DPH3: variants seen among roughly 807,000 people sequenced by gnomAD.
DPH3 encodes diphthamide biosynthesis protein 3.
Under a neutral mutation model 10.2 loss-of-function variants are expected in DPH3, and 8 were observed. The ratio of observed to expected loss-of-function variants is 0.79; its 90% CI spans 0.46 to 1.42. The LOEUF (loss-of-function observed/expected upper bound fraction) is 1.42. Among genes scored for constraint, DPH3 ranks in the 40% most tolerant of loss-of-function variants. DPH3 has a pLI of 0.00. For missense variants in DPH3, 96 were observed against 98.9 expected (o/e 0.97, Z 0.12); for synonymous variants, 35 against 35.6 (o/e 0.98, Z 0.06).
chr3:16,263,537 C>T lies in DPH3; in HGVS notation c.183+618G>A, dbSNP rs376777486. ...TCTCATGAGGCTCTGTGCCTCATCC[C>T]CACTTTCCCTATATTCATTTTGGAC... On this transcript the variant is annotated intron_variant, in intron 2 of 2. Transcript: ENST00000488423. This position sits in a 1 kb window ranked among gnomAD's most constrained non-coding sequence, Gnocchi z 4.0. 7.9e-5 allele frequency among the ~76,000 whole-genome samples: 12 copies of T among 152,318 alleles called. 2 individuals carry two copies. Among genetic ancestry groups the T allele is most frequent in the East Asian group, 1.9e-4 (1 of 5,192 alleles).
chr3:16,264,533 GAGAC>G (rs1276111875), intron 1 of DPH3: 11 of 584,172 alleles, frequency 1.9e-5, no homozygotes, highest in Non-Finnish European at 2.7e-5. Flanking sequence ...ATCGGGCAGA[GAGAC>G]AGAGGCTCTC....
At position 16,264,125 on chromosome 3, in the gene DPH3, C is replaced by T. The variant is rs746706023; in HGVS notation, c.183+30G>A. ...GTCCTTGCCACTGACTTACAATACCCTTCCCCCGTTTTAAAATTATATCCC... is the reference window on the plus strand; with the variant it reads ...GTCCTTGCCACTGACTTACAATACCTTTCCCCCGTTTTAAAATTATATCCC... On this transcript the variant is annotated intron_variant, in intron 2 of 2. Transcript: ENST00000488423. 7 of 1,536,832 alleles carry T rather than the reference C, an allele frequency of 4.6e-6. No homozygotes were observed. In the South Asian group the frequency reaches 4.7e-5, roughly 10 times the overall value.
chr3:16,262,704 C>A lies in DPH3; in HGVS notation c.183+1451G>T, dbSNP rs988322008. Among the ~76,000 whole-genome samples, 1 of 152,144 alleles carries A rather than the reference C, an allele frequency of 6.6e-6. No homozygotes were observed. The highest frequency in any genetic ancestry group is 2.1e-4 in the South Asian group (1 of 4,828). On this transcript the variant is annotated intron_variant, in intron 2 of 2. Transcript: ENST00000488423. This position sits in a 1 kb window ranked among gnomAD's most constrained non-coding sequence, Gnocchi z 4.7. ...AACGCCAGACATGCATATCCAATTG[C>A]CTTCTCAACAGCTCAACTTGGATGA...
rs1006246980 is a variant in DPH3, at chr3:16,258,700, G to C, written c.*2064C>G. The stretch of plus-strand genomic sequence containing the variant: ...ACTCCTGGCCTCACATGATCCTCCT[G>C]CCTTAGCTTCCTGAGTAGCTGGGAT... On this transcript the variant is annotated 3_prime_UTR_variant, in exon 3 of 3. Transcript: ENST00000488423. 1.3e-5 allele frequency: 2 copies of C among 152,152 alleles called. No homozygotes were observed. The highest frequency in any genetic ancestry group is 4.8e-5 in the African/African-American group (2 of 41,404). 9.4% of individuals were successfully genotyped at this position (152,152 alleles called of 1,614,324 possible).
At chr3:16,264,479 C>T in intron 1 of DPH3, 1 of 552,976 alleles carries the variant, frequency 1.8e-6, no homozygotes, top group Non-Finnish European at 3.2e-6. Flanking sequence ...AAAACGAGTC[C>T]CCTCCTCGAC....
At position 16,264,829 on chromosome 3, in the gene DPH3, G is replaced by C. The variant is rs1299494552; in HGVS notation, c.48C>G (p.Asp16Glu). The C allele has an allele frequency of 1.9e-6, 3 of 1,614,216 alleles. No homozygotes were observed. The South Asian group carries it at 3.3e-5, about 18-fold the overall frequency. The change falls in exon 1 of 3, where the codon GAC (aspartate) becomes GAG (glutamate). Residue 16 changes from aspartate to glutamate, a missense_variant. Coordinates refer to ENST00000488423, the MANE Select transcript of DPH3 (RefSeq NM_206831.3). ...GATAGAAATACGTCTCCGAGTCCTC[G>C]TCATATTGGAAGTCCTCGATTTCCA... Reference protein sequence around the residue: ...DEVEIEDFQYDEDSETYFYPC... With the variant: ...DEVEIEDFQYEEDSETYFYPC...
At chr3:16,260,887 T>G in intron 2 of DPH3, 58 bp from the exon 3 acceptor site, 1 of 1,457,884 alleles carries the variant, frequency 6.9e-7, no homozygotes, top group Non-Finnish European at 9.6e-7. Context: ...AATACATTAA[T>G]ATTAAACCTT....
rs1376162805 is a variant in DPH3, at chr3:16,264,860, T to C, written c.17A>G (p.Asp6Gly). MAVFHDEVEIEDFQYD... is the reference protein window; with the variant it reads MAVFHGEVEIEDFQYD... ...TTGGAAGTCCTCGATTTCCACCTCGTCATGAAACACTGCCATGGTCAGCGG... is the reference window on the plus strand; with the variant it reads ...TTGGAAGTCCTCGATTTCCACCTCGCCATGAAACACTGCCATGGTCAGCGG... Residue 6 changes from aspartate to glycine, a missense_variant, in exon 1 of 3, where the codon GAC becomes GGC. Coordinates refer to ENST00000488423, the MANE Select transcript of DPH3 (RefSeq NM_206831.3). 2 of 1,614,060 alleles carry C rather than the reference T, an allele frequency of 1.2e-6. No individual in the cohort carries two copies. The highest frequency in any genetic ancestry group is 1.7e-6 in the Non-Finnish European group (2 of 1,180,022).
At chr3:16,264,548 C>T (rs1394676750) in intron 1 of DPH3, 2 of 591,934 alleles carry the variant, frequency 3.4e-6, no homozygotes, top group African/African-American at 1.9e-5. Context: ...AGAGGCTCTC[C>T]GCCACCCTCT....
In DPH3 at chr3:16,258,872, T is replaced by C. The variant is rs967038809; in HGVS notation, c.*1892A>G. 6.6e-6 allele frequency: 1 copy of C among 152,230 alleles called. No individual in the cohort carries two copies. Among genetic ancestry groups the C allele is most frequent in the East Asian group, 1.9e-4 (1 of 5,204 alleles). 9.4% of individuals were successfully genotyped at this position (152,230 alleles called of 1,614,324 possible). ...ATAAATGATTTGATTTAGAAATAAT[T>C]TGGTTTAGAAACAAAACCATTCCCA... On this transcript the variant is annotated 3_prime_UTR_variant, in exon 3 of 3. Transcript: ENST00000488423.
In DPH3 at chr3:16,257,727, AAAC is replaced by A. The variant is rs1197194783; in HGVS notation, c.*3034_*3036del. On this transcript the variant is annotated 3_prime_UTR_variant, in exon 3 of 3. Transcript: ENST00000488423. ...ACAATCAGTTTTCTTTCCTTGTAAT[AAAC>A]TGAGTTACTCATCTAAGAATGTCAA... is the stretch of plus-strand genomic sequence containing the variant. Among the ~76,000 whole-genome samples the A allele has an allele frequency of 1.3e-5, 2 of 152,354 alleles. No homozygotes were observed. The highest frequency in any genetic ancestry group is 6.5e-5 in the Admixed American group (1 of 15,308).
Position 16,257,829 on chromosome 3 carries a change from T to C in DPH3, c.*2935A>G, listed in dbSNP as rs2064262683. 1.3e-5 allele frequency: 2 copies of C among 152,232 alleles called. No individual in the cohort carries two copies. The highest frequency in any genetic ancestry group is 2.1e-4 in the South Asian group (1 of 4,836). The allele number at this position is 152,232 out of a possible 1,614,324, so 9.4% of individuals were successfully genotyped here. The stretch of plus-strand genomic sequence containing the variant: ...AAATCCAGAGCCCAAACTGTAGAAA[T>C]TGGCAATTTCCTTATTTAAAAACTA... On this transcript the variant is annotated 3_prime_UTR_variant, in exon 3 of 3. Transcript: ENST00000488423.
Position 16,261,153 on chromosome 3 carries a change from C to T in DPH3, c.184-324G>A, listed in dbSNP as rs938968382. ...AAATTTCTGTATTAATTACTACTTA[C>T]ACTAAAACTTCTCCACTTTAATATT... is the stretch of plus-strand genomic sequence containing the variant. On this transcript the variant is annotated intron_variant, in intron 2 of 2. Coordinates refer to ENST00000488423, the MANE Select transcript of DPH3 (RefSeq NM_206831.3). This position sits in a 1 kb window ranked among gnomAD's most constrained non-coding sequence, Gnocchi z 7.1. Among the ~76,000 whole-genome samples the T allele has an allele frequency of 6.6e-6, 1 of 152,228 alleles. No individual in the cohort carries two copies. Among genetic ancestry groups the T allele is most frequent in the African/African-American group, 2.4e-5 (1 of 41,452 alleles).
Position 16,258,003 on chromosome 3 carries a change from T to C in DPH3, c.*2761A>G, listed in dbSNP as rs1158279899. 6.6e-6 allele frequency: 1 copy of C among 152,256 alleles called. No individual in the cohort carries two copies. Among genetic ancestry groups the C allele is most frequent in the East Asian group, 1.9e-4 (1 of 5,206 alleles). 9.4% of individuals were successfully genotyped at this position (152,256 alleles called of 1,614,324 possible). ...TGGATTTGAATTATCTGACTTTATT[T>C]AGCATGCAATGCAATTTATTCTGGC... On this transcript the variant is annotated 3_prime_UTR_variant, in exon 3 of 3. Transcript: ENST00000488423.
At chr3:16,264,741 G>A in intron 1 of DPH3, 28 bp downstream of exon 1, 7 of 1,610,582 alleles carry the variant, frequency 4.3e-6, no homozygotes, top group Non-Finnish European at 5.9e-6. Context: ...TTGCTTGGGT[G>A]AACCGCCGGG....
In DPH3 at chr3:16,260,573, C is replaced by T. The variant is rs1240315850; in HGVS notation, c.*191G>A. 2 of 492,856 alleles carry T rather than the reference C, an allele frequency of 4.1e-6. No individual in the cohort carries two copies. The highest frequency in any genetic ancestry group is 3.0e-5 in the East Asian group (1 of 33,762). The allele number at this position is 492,856 out of a possible 1,614,324, so 30.5% of individuals were successfully genotyped here. On this transcript the variant is annotated 3_prime_UTR_variant, in exon 3 of 3. Transcript: ENST00000488423. ...AATGCTTCCAATTTAAGGTTCTAAG[C>T]ACAAAATCCAGATATGTCATGTTAT... is the stretch of plus-strand genomic sequence containing the variant.
rs1335714240 is a variant in DPH3 at position 16,261,195 on chromosome 3, A to T, written c.184-366T>A. On this transcript the variant is annotated intron_variant, in intron 2 of 2. Transcript: ENST00000488423. The surrounding 1 kb of genome is among the most constrained non-coding windows in gnomAD (Gnocchi z 7.1). ...TTTAATATTTGGTCATTCAAATACC[A>T]GTCCTCTTCAAAGTAATTACTTCTT... Among the ~76,000 whole-genome samples, 2 of 152,256 alleles carry T rather than the reference A, an allele frequency of 1.3e-5. No individual in the cohort carries two copies. The highest frequency in any genetic ancestry group is 4.8e-5 in the African/African-American group (2 of 41,470).
Position 16,260,890 on chromosome 3 carries a change from T to G in DPH3, c.184-61A>C, listed in dbSNP as rs985439084. The G allele has an allele frequency of 8.3e-6, 12 of 1,438,158 alleles. No individual in the cohort carries two copies. In the African/African-American group the frequency reaches 1.5e-4, roughly 18 times the overall value. 89.1% of individuals were successfully genotyped at this position (1,438,158 alleles called of 1,614,324 possible). ...TTTCCGGTCACAAATACATTAATATTAAACCTTCATTTTGTTACAGCATCA... is the reference window on the plus strand; with the variant it reads ...TTTCCGGTCACAAATACATTAATATGAAACCTTCATTTTGTTACAGCATCA... On this transcript the variant is annotated intron_variant, in intron 2 of 2. Transcript: ENST00000488423.
chr3:16,264,852 C>A lies in DPH3; in HGVS notation c.25G>T (p.Glu9Ter). The A allele has an allele frequency of 6.2e-7, 1 of 1,614,222 alleles. No homozygotes were observed. The highest frequency in any genetic ancestry group is 8.5e-7 in the Non-Finnish European group (1 of 1,180,030). Residue 9 changes from glutamate (E) to a stop codon, truncating the protein, a stop_gained, in exon 1 of 3, where the codon GAA becomes TAA. Coordinates refer to ENST00000488423, the MANE Select transcript of DPH3 (RefSeq NM_206831.3). LOFTEE classifies it high-confidence loss of function. MAVFHDEV[E>*]IEDFQYDEDS... The stretch of plus-strand genomic sequence containing the variant: ...TCGTCATATTGGAAGTCCTCGATTT[C>A]CACCTCGTCATGAAACACTGCCATG...
Sources: gnomAD v4.1 joint callset for allele counts (sites outside exome capture counted in the v4.1 genomes callset) on GRCh38, gnomAD v4.1.1 for gene constraint, Gnocchi (gnomAD v3.1) non-coding constraint, MANE v1.5 for transcripts, NCBI Gene and HGNC (gene_info 2026-07-23, HGNC 2026-07-21) for gene names.